The following STXBP5 variants were observed in gnomAD, a reference collection of about 807,000 sequenced individuals.
The protein encoded by STXBP5 is syntaxin binding protein 5, also known as syntaxin-binding protein 5.
A neutral mutation model predicts 152.4 loss-of-function variants in STXBP5; 50 were observed. The observed-to-expected ratio is 0.33, with a 90% confidence interval of 0.26 to 0.42. The LOEUF is 0.42. Among genes scored for constraint, STXBP5 ranks in the 10% least tolerant of loss-of-function variants. The probability of loss-of-function intolerance (pLI) is 1.00; values close to 1 mark genes in which losing one functional copy is unlikely to be tolerated. For missense variants in STXBP5, 1,167 were observed against 1,388.6 expected, an observed-to-expected ratio of 0.84 and a Z score of 2.54; for synonymous variants, 492 against 494.7, an observed-to-expected ratio of 0.99 and a Z score of 0.07.
In STXBP5 at chr6:147,389,821, A is replaced by G. The variant is rs1786508248; in HGVS notation, c.*5066A>G. ...ATGCAAAGAGGGTAAATCTTGTTTT[A>G]ATTTTTTTAACTTTTTTTTTTTGTA... On this transcript the variant is annotated 3_prime_UTR_variant, in exon 28 of 28. Coordinates refer to ENST00000321680, the MANE Select transcript of STXBP5 (RefSeq NM_001127715.4). 1 of 151,454 alleles carries G rather than the reference A, an allele frequency of 6.6e-6. No individual in the cohort carries two copies. Among genetic ancestry groups the G allele is most frequent in the South Asian group, 2.1e-4 (1 of 4,832 alleles). The allele number at this position is 151,454 out of a possible 1,614,324, so 9.4% of individuals were successfully genotyped here. A position where few individuals can be genotyped will look rare whatever the true frequency, so the allele number is the denominator to read the frequency against.
chr6:147,269,191 G>A (rs1033812148), intron 7 of STXBP5, among the ~76,000 whole-genome samples: 6 of 152,152 alleles, frequency 3.9e-5, no homozygotes, highest in African/African-American at 7.2e-5. Flanking sequence ...GACAGGACTG[G>A]GAATAGTTCA....
chr6:147,254,332 T>C (rs981754321), intron 4 of STXBP5, among the ~76,000 whole-genome samples: 1 of 152,090 alleles, frequency 6.6e-6, no homozygotes, highest in Non-Finnish European at 1.5e-5. Flanking sequence ...CCTAAAACCA[T>C]AAAAACCATA....
At chr6:147,206,393 G>C (rs957617870) in intron 2 of STXBP5, among the ~76,000 whole-genome samples, 1 of 152,148 alleles carries the variant, frequency 6.6e-6, no homozygotes, top group Non-Finnish European at 1.5e-5. Flanking sequence ...GATGAATGAG[G>C]TATGTTAAGG....
chr6:147,336,010 C>T (rs1236491771), intron 19 of STXBP5, among the ~76,000 whole-genome samples: 1 of 152,112 alleles, frequency 6.6e-6, no homozygotes, highest in Non-Finnish European at 1.5e-5. Context: ...ATTGCGACTT[C>T]AAAAAATCAT....
intron 2 of STXBP5, among the ~76,000 whole-genome samples, chr6:147,229,377 T>A (rs1018663497): frequency 2.6e-5 from 4 of 151,982 alleles, no homozygotes. Context: ...TGAGATATGC[T>A]TACATATAAT....
intron 2 of STXBP5, among the ~76,000 whole-genome samples, chr6:147,227,523 C>T (rs947375737): frequency 6.6e-6 from 1 of 152,072 alleles, no homozygotes; most frequent in Non-Finnish European, 1.5e-5. Flanking sequence ...CTCATATCTC[C>T]CCTCCCCTGT....
intron 2 of STXBP5, among the ~76,000 whole-genome samples, chr6:147,217,849 T>C (rs1270525874): frequency 6.6e-6 from 1 of 152,234 alleles, no homozygotes; most frequent in East Asian, 1.9e-4. Context: ...ACTTAAAGTT[T>C]TAAATGTTGA....
chr6:147,296,886 G>A (rs1404494377), intron 9 of STXBP5, among the ~76,000 whole-genome samples: 2 of 152,004 alleles, frequency 1.3e-5, no homozygotes, highest in African/African-American at 2.4e-5. Context: ...TGAATTTGAA[G>A]GCAGGTCTTT....
At position 147,339,197 on chromosome 6, in the gene STXBP5, A is replaced by G; in HGVS notation, c.2165A>G (p.Asn722Ser). ...SPTSGSSSPH[N>S]SDDEQKMNNF... ...TGTGTAGGTTCTTCATCACCACACA[A>G]TTCAGATGATGAACAAAAAATGAAT... The change falls in exon 20 of 28, where the codon AAT becomes AGT. Residue 722 changes from asparagine (N) to serine (S), a missense_variant. Asn to Ser is a conservative substitution (Grantham distance 46, BLOSUM62 1). This residue lies in a region of STXBP5 where 833 missense variants were observed against 986.3 expected (regional missense o/e 0.84). Coordinates refer to ENST00000321680, the MANE Select transcript of STXBP5 (RefSeq NM_001127715.4). The G allele has an allele frequency of 6.5e-7, 1 of 1,540,636 alleles. No individual in the cohort carries two copies. The highest frequency in any genetic ancestry group is 8.7e-7 in the Non-Finnish European group (1 of 1,143,476).
chr6:147,334,264 C>T, intron 19 of STXBP5, 42 bp downstream of exon 19: 1 of 1,571,070 alleles, frequency 6.4e-7, no homozygotes, highest in Non-Finnish European at 8.7e-7. Context: ...TTATGATTTA[C>T]AAAATCCAAG....
chr6:147,379,375 G>A (rs757147256), intron 26 of STXBP5, among the ~76,000 whole-genome samples: 1 of 151,928 alleles, frequency 6.6e-6, no homozygotes, highest in Non-Finnish European at 1.5e-5. Flanking sequence ...ATCTCCATGG[G>A]GAAAGTAGAA....
intron 21 of STXBP5, among the ~76,000 whole-genome samples, chr6:147,344,175 A>G (rs920313215): frequency 6.6e-6 from 1 of 152,180 alleles, no homozygotes; most frequent in African/African-American, 2.4e-5. Context: ...ATTTTCTGTC[A>G]AATTTCTTAA....
At chr6:147,210,715 C>CCCTA (rs1417232337) in intron 2 of STXBP5, among the ~76,000 whole-genome samples, 7 of 152,154 alleles carry the variant, frequency 4.6e-5, no homozygotes. Flanking sequence ...AGAATAATAA[C>CCCTA]CCTACCTAGC....
intron 9 of STXBP5, among the ~76,000 whole-genome samples, chr6:147,300,319 A>G (rs1349444233): frequency 3.3e-5 from 5 of 152,132 alleles, no homozygotes; most frequent in Non-Finnish European, 4.4e-5. Flanking sequence ...ATATGAAACC[A>G]CAAAAAATGT....
At position 147,283,821 on chromosome 6, in the gene STXBP5, G is replaced by A. The variant is rs570676902; in HGVS notation, c.838+5617G>A. On this transcript the variant is annotated intron_variant, in intron 8 of 27. Coordinates refer to ENST00000321680, the MANE Select transcript of STXBP5 (RefSeq NM_001127715.4). The stretch of plus-strand genomic sequence containing the variant: ...GATGTTCAGGGGTCCAAGTCCAGCC[G>A]TAAATCAACTTTGTACACTCATTTA... Among the ~76,000 whole-genome samples the A allele has an allele frequency of 5.3e-4, 80 of 152,198 alleles. 1 individual carries two copies. The highest frequency in any genetic ancestry group is 1.7e-3 in the African/African-American group (71 of 41,508).
At chr6:147,331,805 TAAAAAAAAA>T (rs758010688) in intron 18 of STXBP5, among the ~76,000 whole-genome samples, 9 of 115,410 alleles carry the variant, frequency 7.8e-5, no homozygotes, top group South Asian at 2.9e-4. Flanking sequence ...TTCTACCAGT[TAAAAAAAAA>T]AAAAAAAAAA....
intron 4 of STXBP5, among the ~76,000 whole-genome samples, chr6:147,242,577 C>T (rs1267180888): frequency 6.6e-6 from 1 of 152,148 alleles, no homozygotes; most frequent in East Asian, 1.9e-4. Flanking sequence ...TTTTATACTA[C>T]ATTTTTACTG....
intron 18 of STXBP5, 136 bp from the exon 19 acceptor site, chr6:147,334,021 T>C: frequency 1.5e-6 from 1 of 664,304 alleles, no homozygotes; most frequent in South Asian, 2.7e-5. Flanking sequence ...CCAATGTGCA[T>C]GGTATCAGTA....
At chr6:147,205,739 A>G (rs1250878073) in intron 1 of STXBP5, among the ~76,000 whole-genome samples, 2 of 152,216 alleles carry the variant, frequency 1.3e-5, no homozygotes, top group African/African-American at 4.8e-5. Context: ...TACCAGTATT[A>G]TGGAAAAGCG....
Sources: gnomAD v4.1 joint callset for allele counts (sites outside exome capture counted in the v4.1 genomes callset) on GRCh38, gnomAD v4.1.1 for gene constraint, gnomAD v4.1.1 regional missense constraint, MANE v1.5 for transcripts, NCBI Gene and HGNC (gene_info 2026-07-23, HGNC 2026-07-21) for gene names.